Variants in GRIA2 observed in about 807,000 individuals in gnomAD.
The protein encoded by GRIA2 is glutamate ionotropic receptor AMPA type subunit 2.
GRIA2 carries 14 observed loss-of-function variants against 97.3 expected under a neutral mutation model. The observed-to-expected ratio is 0.14, with a 90% CI of 0.10 to 0.23. The LOEUF (loss-of-function observed/expected upper bound fraction) is 0.23. GRIA2 is among the 10% of genes least tolerant of loss of function. The probability of loss-of-function intolerance (pLI) is 1.00; values close to 1 mark genes in which losing one functional copy is unlikely to be tolerated. For synonymous variants in GRIA2, 412 were observed against 387.8 expected (o/e 1.06, Z -0.73); for missense variants, 558 against 1,069.8 (o/e 0.52, Z 6.67).
chr4:157,363,040 T>C lies in GRIA2; in HGVS notation c.2648T>C (p.Ile883Thr). 3.1e-6 allele frequency: 5 copies of C among 1,610,352 alleles called. No individual in the cohort carries two copies. In the South Asian group the frequency reaches 4.4e-5, roughly 14 times the overall value. The change falls in exon 15 of 16, where the codon ATT (isoleucine) becomes ACT (threonine). Residue 883 changes from isoleucine (I) to threonine (T), a missense_variant. Transcript: ENST00000264426. ...GTATATGGCATCGAAAGTGTTAAAA[T>C]TTAGGGGGTAGGAACGAGGCTCTAA... ...YNVYGIESVK[I>T] is the part of the protein sequence containing the mutation.
chr4:157,335,871 A>G lies in GRIA2; in HGVS notation c.1467A>G (p.Val489=), dbSNP rs1254892044. The change falls in exon 10 of 16, where the codon GTA becomes GTG. Residue 489 remains valine, a synonymous_variant. Transcript: ENST00000264426. ...GGAATGGGATGGTTGGAGAACTTGT[A>G]TATGGGGTAAGTATAGCTCTTCTCA... ...KIWNGMVGEL[V]YGKADIAIAP... 2.5e-6 allele frequency: 4 copies of G among 1,590,106 alleles called. No homozygotes were observed. Among genetic ancestry groups the G allele is most frequent in the Non-Finnish European group, 1.7e-6 (2 of 1,159,926 alleles).
chr4:157,337,781 A>G (rs1397865363), intron 11 of GRIA2, among the ~76,000 whole-genome samples: 1 of 151,670 alleles, frequency 6.6e-6, no homozygotes, highest in African/African-American at 2.4e-5. Context: ...TTCACTGAGT[A>G]AGATAAAGGA....
chr4:157,344,540 A>T (rs1265353970), intron 12 of GRIA2, among the ~76,000 whole-genome samples: 2 of 152,056 alleles, frequency 1.3e-5, no homozygotes, highest in Non-Finnish European at 2.9e-5. Context: ...TGGAGCCAAG[A>T]CCTAGTAAAA....
chr4:157,363,223 A>C, intron 15 of GRIA2, 176 bp downstream of exon 15: 1 of 726,980 alleles, frequency 1.4e-6, no homozygotes, highest in South Asian at 2.1e-5. Context: ...TTTCCTCTTT[A>C]ATGGCACAGT....
intron 2 of GRIA2, among the ~76,000 whole-genome samples, chr4:157,243,163 G>T (rs1730581173): frequency 6.6e-6 from 1 of 152,070 alleles, no homozygotes; most frequent in Non-Finnish European, 1.5e-5. Context: ...AAATGTCCAT[G>T]AATGACTGCA....
chr4:157,306,885 A>T (rs1004027127), intron 3 of GRIA2, among the ~76,000 whole-genome samples: 91 of 152,246 alleles, frequency 6.0e-4, no homozygotes, highest in African/African-American at 2.1e-3. Context: ...GTGTCACATG[A>T]TTTGAAGAAT....
intron 2 of GRIA2, among the ~76,000 whole-genome samples, chr4:157,244,730 A>C (rs1213773204): frequency 6.6e-6 from 1 of 152,022 alleles, no homozygotes; most frequent in African/African-American, 2.4e-5. Flanking sequence ...TTTCTGAACA[A>C]TAATCTGTTG....
chr4:157,303,998 T>C (rs913321393), intron 3 of GRIA2, among the ~76,000 whole-genome samples: 5 of 152,204 alleles, frequency 3.3e-5, no homozygotes, highest in African/African-American at 1.2e-4. Context: ...GCTGTCTGTG[T>C]ACAACTTAGA....
At chr4:157,356,206 T>C (rs1338509832) in intron 12 of GRIA2, among the ~76,000 whole-genome samples, 1 of 136,528 alleles carries the variant, frequency 7.3e-6, no homozygotes, top group Non-Finnish European at 1.5e-5. Flanking sequence ...TATTTATATA[T>C]ATATTTATAT....
intron 12 of GRIA2, among the ~76,000 whole-genome samples, chr4:157,350,385 A>G (rs967400811): frequency 1.3e-5 from 2 of 151,944 alleles, no homozygotes; most frequent in Non-Finnish European, 2.9e-5. Flanking sequence ...GTCTGATTTG[A>G]TCTACTTATA....
At chr4:157,349,626 C>T (rs955685728) in intron 12 of GRIA2, among the ~76,000 whole-genome samples, 5 of 151,952 alleles carry the variant, frequency 3.3e-5, no homozygotes, top group Admixed American at 6.6e-5. Flanking sequence ...TAGTAGTGTT[C>T]CTAGTTTCCA....
chr4:157,264,757 T>C (rs62331529), intron 2 of GRIA2, among the ~76,000 whole-genome samples: 11,161 of 152,164 alleles, frequency 0.073, 534 homozygotes, highest in Non-Finnish European at 0.1. Flanking sequence ...TGCAGCTAGC[T>C]AGCAAGGTGA....
intron 8 of GRIA2, 103 bp downstream of exon 8, chr4:157,333,456 A>G: frequency 2.0e-6 from 1 of 507,294 alleles, no homozygotes; most frequent in Non-Finnish European, 3.5e-6. Context: ...ATTCACATAG[A>G]GTTTAACGAC....
chr4:157,292,202 A>T (rs1423999765), intron 2 of GRIA2, among the ~76,000 whole-genome samples: 1 of 152,094 alleles, frequency 6.6e-6, no homozygotes, highest in Non-Finnish European at 1.5e-5. Context: ...TTTCCAAAAA[A>T]GTGTAGTAAT....
intron 11 of GRIA2, among the ~76,000 whole-genome samples, chr4:157,338,918 G>A (rs922373909): frequency 6.6e-6 from 1 of 151,826 alleles, no homozygotes; most frequent in African/African-American, 2.4e-5. Flanking sequence ...TTTTTAAAAA[G>A]CATGACATCC....
At chr4:157,342,474 G>A in intron 12 of GRIA2, 1 of 983,628 alleles carries the variant, frequency 1.0e-6, no homozygotes. Context: ...GAATTAATTA[G>A]GTACCTCAAT....
chr4:157,286,927 T>C (rs945361339), intron 2 of GRIA2, among the ~76,000 whole-genome samples: 2 of 151,672 alleles, frequency 1.3e-5, no homozygotes, highest in African/African-American at 2.4e-5. Context: ...GTATCTGAAG[T>C]AGCCTTTGTG....
Position 157,361,747 on chromosome 4 carries a change from T to A in GRIA2, c.2406+623T>A. On this transcript the variant is annotated intron_variant, in intron 14 of 15. Coordinates refer to ENST00000264426, the MANE Select transcript of GRIA2 (RefSeq NM_001083619.3). This position sits in a 1 kb window ranked among gnomAD's most constrained non-coding sequence, Gnocchi z 5.2. ...GTTAGTGGGAATGACCCATCTTAAATAGAATGTAAATGCAAATATGCATGA... is the reference window on the plus strand; with the variant it reads ...GTTAGTGGGAATGACCCATCTTAAAAAGAATGTAAATGCAAATATGCATGA... 1.2e-6 allele frequency: 1 copy of A among 828,194 alleles called. No homozygotes were observed. The highest frequency in any genetic ancestry group is 2.0e-6 in the Non-Finnish European group (1 of 499,760). The allele number at this position is 828,194 out of a possible 1,614,324, so 51.3% of individuals were successfully genotyped here.
intron 2 of GRIA2, among the ~76,000 whole-genome samples, chr4:157,291,091 A>G (rs1431695781): frequency 1.3e-5 from 2 of 151,952 alleles, no homozygotes; most frequent in African/African-American, 4.8e-5. Context: ...GGTGAAGCAC[A>G]TTATTAATAT....
Sources: allele counts gnomAD v4.1 joint callset (sites outside exome capture counted in the v4.1 genomes callset), GRCh38; gene constraint gnomAD v4.1.1; non-coding constraint Gnocchi (gnomAD v3.1); transcripts MANE v1.5; gene names NCBI Gene and HGNC (gene_info 2026-07-23, HGNC 2026-07-21).